Variants in SWAP70 observed in about 807,000 individuals in gnomAD.
The protein encoded by SWAP70 is switch-associated protein 70.
SWAP70 carries 34 observed loss-of-function variants against 80.2 expected under a neutral mutation model. That is an observed-to-expected ratio of 0.42 (90% CI 0.32 to 0.56). The LOEUF is 0.56. Ranked by LOEUF, SWAP70 falls within the 20% of genes least tolerant of loss-of-function variation. The pLI is 0.09. For missense variants in SWAP70, 578 were observed against 690.7 expected, an observed-to-expected ratio of 0.84 and a Z score of 1.83; for synonymous variants, 239 against 238.5, an observed-to-expected ratio of 1.00 and a Z score of -0.02.
intron 3 of SWAP70, among the ~76,000 whole-genome samples, chr11:9,721,162 T>C (rs1851130384): frequency 2.0e-5 from 3 of 152,140 alleles, no homozygotes; most frequent in Non-Finnish European, 4.4e-5. Flanking sequence ...TGTCCCATTT[T>C]CTCCTTCCCT....
intron 1 of SWAP70, among the ~76,000 whole-genome samples, chr11:9,671,698 C>CTATATAAA (rs1463823653): frequency 7.2e-5 from 7 of 97,122 alleles, no homozygotes; most frequent in African/African-American, 2.6e-4. Context: ...AAATATATTT[C>CTATATAAA]TATGTATACA....
At chr11:9,708,092 G>C (rs1276241232) in intron 2 of SWAP70, among the ~76,000 whole-genome samples, 1 of 152,164 alleles carries the variant, frequency 6.6e-6, no homozygotes, top group Non-Finnish European at 1.5e-5. Context: ...GAATTATGCT[G>C]TAGTGGGTAT....
rs575311587 is a variant in SWAP70 at position 9,750,083 on chromosome 11, A to T, written c.*113A>T. The T allele has an allele frequency of 6.8e-5, 46 of 672,568 alleles. No individual in the cohort carries two copies. In the East Asian group the frequency reaches 1.1e-3, roughly 16 times the overall value. The allele number at this position is 672,568 out of a possible 1,614,324, so 41.7% of individuals were successfully genotyped here. Reference sequence around the variant, plus strand: ...CCGGGCGTGGTGGCTCACGCCTGTAATCCCAGCACTTTGGGAGGCCGAGGC... The same window carrying T: ...CCGGGCGTGGTGGCTCACGCCTGTATTCCCAGCACTTTGGGAGGCCGAGGC... On this transcript the variant is annotated 3_prime_UTR_variant, in exon 12 of 12. Coordinates refer to ENST00000318950, the MANE Select transcript of SWAP70 (RefSeq NM_015055.4).
Position 9,752,737 on chromosome 11 carries a change from A to G in SWAP70, c.*2767A>G, listed in dbSNP as rs1259658060. ...ATATGATCATTTACAGGAATTATATATGAAAAAAGTTTTTGAAATGTATTT... is the reference window on the plus strand; with the variant it reads ...ATATGATCATTTACAGGAATTATATGTGAAAAAAGTTTTTGAAATGTATTT... On this transcript the variant is annotated 3_prime_UTR_variant, in exon 12 of 12. Coordinates refer to ENST00000318950, the MANE Select transcript of SWAP70 (RefSeq NM_015055.4). 6.6e-6 allele frequency: 1 copy of G among 152,234 alleles called. No individual in the cohort carries two copies. Among genetic ancestry groups the G allele is most frequent in the Non-Finnish European group, 1.5e-5 (1 of 68,036 alleles). The allele number at this position is 152,234 out of a possible 1,614,324, so 9.4% of individuals were successfully genotyped here.
chr11:9,666,440 G>A (rs1319018546), intron 1 of SWAP70, among the ~76,000 whole-genome samples: 1 of 151,804 alleles, frequency 6.6e-6, no homozygotes, highest in Non-Finnish European at 1.5e-5. Flanking sequence ...GGTTTTTTTA[G>A]TACTTGCTCT....
intron 7 of SWAP70, among the ~76,000 whole-genome samples, chr11:9,735,248 C>G (rs142818127): frequency 6.6e-6 from 1 of 152,134 alleles, no homozygotes; most frequent in Non-Finnish European, 1.5e-5. Flanking sequence ...GTTAAACACA[C>G]AAAAGTATAT....
intron 7 of SWAP70, 72 bp downstream of exon 7, chr11:9,732,782 T>G: frequency 7.2e-7 from 1 of 1,395,276 alleles, no homozygotes; most frequent in Non-Finnish European, 9.6e-7. Context: ...TGCTTAGGGG[T>G]GTTGGTTCTA....
At chr11:9,685,183 G>A (rs1009450815) in intron 1 of SWAP70, among the ~76,000 whole-genome samples, 1 of 151,022 alleles carries the variant, frequency 6.6e-6, no homozygotes, top group East Asian at 1.9e-4. Context: ...GCACCATCTC[G>A]GCCTGCCACA....
intron 3 of SWAP70, among the ~76,000 whole-genome samples, chr11:9,715,572 C>T (rs965223136): frequency 2.6e-5 from 4 of 152,352 alleles, no homozygotes; most frequent in South Asian, 4.1e-4. Flanking sequence ...AATGAACTTA[C>T]AGTTCCACAT....
chr11:9,699,866 G>GTATATATATATATATGTATA (rs1850809127), intron 2 of SWAP70, among the ~76,000 whole-genome samples: 1 of 144,144 alleles, frequency 6.9e-6, no homozygotes, highest in African/African-American at 2.6e-5. Context: ...TGTATAGTGT[G>GTATATATATATATATGTATA]TATATATATA....
chr11:9,690,854 T>A (rs1274916306), intron 1 of SWAP70, among the ~76,000 whole-genome samples: 1 of 152,110 alleles, frequency 6.6e-6, no homozygotes, highest in African/African-American at 2.4e-5. Flanking sequence ...GAAATACTGT[T>A]TCATTGTTGC....
intron 9 of SWAP70, 122 bp downstream of exon 9, chr11:9,740,469 C>G: frequency 1.0e-6 from 1 of 999,314 alleles, no homozygotes; most frequent in Non-Finnish European, 1.6e-6. Context: ...TGACTGAGCT[C>G]GAGGTGCTGT....
At chr11:9,691,645 A>G (rs1434875196) in intron 1 of SWAP70, among the ~76,000 whole-genome samples, 1 of 152,220 alleles carries the variant, frequency 6.6e-6, no homozygotes, top group South Asian at 2.1e-4. Context: ...GTTTCTTATT[A>G]CTGGAGAGTG....
intron 3 of SWAP70, chr11:9,720,303 C>G (rs914279380): frequency 3.0e-6 from 3 of 985,260 alleles, no homozygotes; most frequent in Non-Finnish European, 3.6e-6. Context: ...AAGCTGGGTG[C>G]TAATGACAAC....
In SWAP70 at chr11:9,724,842, T is replaced by C. The variant is rs765121383; in HGVS notation, c.599T>C (p.Ile200Thr). 2 of 1,613,806 alleles carry C rather than the reference T, an allele frequency of 1.2e-6. No individual in the cohort carries two copies. Among genetic ancestry groups the C allele is most frequent in the South Asian group, 1.1e-5 (1 of 91,024 alleles). Residue 200 changes from isoleucine to threonine, a missense_variant, in exon 4 of 12, where the codon ATT becomes ACT. By Grantham distance (89) the Ile-to-Thr change is moderately conservative (BLOSUM62 -1). Transcript: ENST00000318950. Reference protein sequence around the residue: ...GMDRQTVSMAINEVFNELILD... With the variant: ...GMDRQTVSMATNEVFNELILD... Reference sequence around the variant, plus strand: ...GACCGGCAGACTGTGTCTATGGCAATTAATGAAGTCTTTAATGAACTTATA... The same window carrying C: ...GACCGGCAGACTGTGTCTATGGCAACTAATGAAGTCTTTAATGAACTTATA...
At chr11:9,746,506 T>C (rs1042949753) in intron 9 of SWAP70, among the ~76,000 whole-genome samples, 1 of 152,238 alleles carries the variant, frequency 6.6e-6, no homozygotes, top group African/African-American at 2.4e-5. Context: ...ACATCTGTAG[T>C]GTCGTGTTCT....
intron 2 of SWAP70, among the ~76,000 whole-genome samples, chr11:9,709,293 T>TAA (rs35566060): frequency 0.33 from 49,292 of 151,430 alleles, 8,249 homozygotes; most frequent in Non-Finnish European, 0.35. Context: ...CTCAGCTAAT[T>TAA]AAAAAAAATG....
At chr11:9,729,254 A>T in intron 5 of SWAP70, 89 bp from the exon 6 acceptor site, 2 of 808,318 alleles carry the variant, frequency 2.5e-6, no homozygotes, top group South Asian at 1.6e-5. Context: ...CATTGACATT[A>T]AGTTTCAGCT....
chr11:9,727,357 C>T (rs1319427131), intron 4 of SWAP70, among the ~76,000 whole-genome samples: 1 of 152,162 alleles, frequency 6.6e-6, no homozygotes, highest in Non-Finnish European at 1.5e-5. Flanking sequence ...ACCCACTGCA[C>T]TCCAGCCTGG....
Sources: gnomAD v4.1 joint callset for allele counts (sites outside exome capture counted in the v4.1 genomes callset) on GRCh38, gnomAD v4.1.1 for gene constraint, MANE v1.5 for transcripts, NCBI Gene and HGNC (gene_info 2026-07-23, HGNC 2026-07-21) for gene names.